CNOT6L: variants seen among roughly 807,000 people sequenced by gnomAD.
CNOT6L encodes CCR4-NOT transcription complex subunit 6 like.
A neutral mutation model predicts 64.0 loss-of-function variants in CNOT6L; 7 were observed. That is an observed-to-expected ratio of 0.11 (90% CI 0.06 to 0.21). CNOT6L has a LOEUF of 0.21. Among genes scored for constraint, CNOT6L ranks in the 10% least tolerant of loss-of-function variants. CNOT6L has a pLI of 1.00. For missense variants in CNOT6L, 245 were observed against 669.0 expected (o/e 0.37, Z 6.99); for synonymous variants, 193 against 243.4 (o/e 0.79, Z 1.93).
rs1170498969 is a variant in CNOT6L, at chr4:77,744,751, A to G, written c.684T>C (p.Ile228=). ...EYRKKGIMEE[I]VNCDADIISL... is the part of the protein sequence containing the mutation. ...TAATGATATCTGCGTCACAGTTAAC[A>G]ATTTCTTCCATAATTCCCTTTTTCC... The change falls in exon 7 of 12, where the codon ATT becomes ATC. Residue 228 remains isoleucine (I), a synonymous_variant. Coordinates refer to ENST00000504123, the MANE Select transcript of CNOT6L (RefSeq NM_144571.3). The G allele has an allele frequency of 6.2e-7, 1 of 1,613,330 alleles. No homozygotes were observed. The highest frequency in any genetic ancestry group is 1.3e-5 in the African/African-American group (1 of 75,038).
At chr4:77,815,361 A>G (rs1344648157) in intron 1 of CNOT6L, among the ~76,000 whole-genome samples, 2 of 152,204 alleles carry the variant, frequency 1.3e-5, no homozygotes, top group South Asian at 2.1e-4. Context: ...TGAAAAATTT[A>G]TATCTTTAAA....
At chr4:77,750,396 G>A in intron 5 of CNOT6L, among the ~76,000 whole-genome samples, 1 of 151,796 alleles carries the variant, frequency 6.6e-6, no homozygotes, top group East Asian at 1.9e-4. Flanking sequence ...CTGTCACCCA[G>A]GCTGGAGTGC....
intron 1 of CNOT6L, among the ~76,000 whole-genome samples, chr4:77,782,337 G>T (rs969616992): frequency 2.6e-5 from 4 of 151,700 alleles, no homozygotes; most frequent in Admixed American, 6.6e-5. Context: ...TATCTTTTTT[G>T]TTGTTGTTGT....
chr4:77,763,379 A>G (rs1029145048), intron 4 of CNOT6L, among the ~76,000 whole-genome samples: 1 of 152,126 alleles, frequency 6.6e-6, no homozygotes, highest in Non-Finnish European at 1.5e-5. Flanking sequence ...TTAGAAATAC[A>G]GACTATAAGA....
At chr4:77,753,948 ACTTC>A in intron 5 of CNOT6L, among the ~76,000 whole-genome samples, 1 of 151,578 alleles carries the variant, frequency 6.6e-6, no homozygotes, top group East Asian at 1.9e-4. Context: ...AATAGAAAAA[ACTTC>A]CTTCATCTGA....
At chr4:77,817,129 G>T (rs1358222551) in intron 1 of CNOT6L, among the ~76,000 whole-genome samples, 1 of 151,854 alleles carries the variant, frequency 6.6e-6, no homozygotes, top group African/African-American at 2.4e-5. Flanking sequence ...AAACATACAT[G>T]TGCTATATAG....
chr4:77,803,989 AAC>A (rs1332653821), intron 1 of CNOT6L, among the ~76,000 whole-genome samples: 2 of 152,180 alleles, frequency 1.3e-5, no homozygotes, highest in African/African-American at 4.8e-5. Flanking sequence ...AAAAAGTTAA[AAC>A]ACAGAAATAC....
At position 77,785,450 on chromosome 4, in the gene CNOT6L, C is replaced by A. The variant is rs147320400; in HGVS notation, c.6-9058G>T. On this transcript the variant is annotated intron_variant, in intron 1 of 11. Transcript: ENST00000504123. ...TAAATTTCAAGAAAAGTTAAGACTT[C>A]TGCTCTTTGAAATTTGAAGGAAAAG... is the stretch of plus-strand genomic sequence containing the variant. 2.3e-3 allele frequency among the ~76,000 whole-genome samples: 350 copies of A among 152,028 alleles called. 2 individuals carry two copies. Among genetic ancestry groups the A allele is most frequent in the East Asian group, 0.01 (52 of 5,174 alleles).
intron 1 of CNOT6L, among the ~76,000 whole-genome samples, chr4:77,810,835 T>C (rs1213509609): frequency 2.0e-5 from 3 of 152,174 alleles, no homozygotes; most frequent in African/African-American, 7.2e-5. Context: ...TCTTTTCTAC[T>C]TTTTACTTCT....
At chr4:77,769,918 T>C (rs1457837504) in intron 4 of CNOT6L, among the ~76,000 whole-genome samples, 3 of 152,176 alleles carry the variant, frequency 2.0e-5, no homozygotes, top group Non-Finnish European at 2.9e-5. Context: ...ATATGTCGGA[T>C]AAAGTATTGC....
At chr4:77,747,715 G>C (rs943128218) in intron 6 of CNOT6L, among the ~76,000 whole-genome samples, 14 of 152,072 alleles carry the variant, frequency 9.2e-5, no homozygotes, top group African/African-American at 3.4e-4. Flanking sequence ...ACAGATAAAG[G>C]CTTATGTTTT....
At chr4:77,738,951 T>C (rs1422667183) in intron 8 of CNOT6L, among the ~76,000 whole-genome samples, 1 of 152,154 alleles carries the variant, frequency 6.6e-6, no homozygotes, top group Non-Finnish European at 1.5e-5. Flanking sequence ...TCTATGCATC[T>C]AACTCCCAAA....
At position 77,713,523 on chromosome 4, in the gene CNOT6L, G is replaced by GA. The variant is rs1255237977; in HGVS notation, c.*6907dup. ...TGAGCAGTAACCAATCTCCAAAATG[G>GA]AAAAAAATATTTTGTTATCTGACAT... On this transcript the variant is annotated 3_prime_UTR_variant, in exon 12 of 12. Coordinates refer to ENST00000504123, the MANE Select transcript of CNOT6L (RefSeq NM_144571.3). The GA allele has an allele frequency of 2.6e-5, 4 of 152,306 alleles. No individual in the cohort carries two copies. Among genetic ancestry groups the GA allele is most frequent in the Admixed American group, 6.6e-5 (1 of 15,242 alleles). 9.4% of individuals were successfully genotyped at this position (152,306 alleles called of 1,614,324 possible). A position where few individuals can be genotyped will look rare whatever the true frequency, so the allele number is the denominator to read the frequency against.
At chr4:77,817,364 G>A (rs1346909468) in intron 1 of CNOT6L, among the ~76,000 whole-genome samples, 1 of 151,966 alleles carries the variant, frequency 6.6e-6, no homozygotes. Flanking sequence ...AGATTCCATT[G>A]TCTTTTTTAC....
At chr4:77,738,777 T>C (rs1442310555) in intron 8 of CNOT6L, among the ~76,000 whole-genome samples, 1 of 149,772 alleles carries the variant, frequency 6.7e-6, no homozygotes, top group Non-Finnish European at 1.5e-5. Flanking sequence ...AAAAATGTAT[T>C]TACAACTCAG....
intron 11 of CNOT6L, among the ~76,000 whole-genome samples, chr4:77,723,325 G>T (rs1721486704): frequency 6.6e-6 from 1 of 152,128 alleles, no homozygotes; most frequent in Non-Finnish European, 1.5e-5. Flanking sequence ...TTTCTAGCTT[G>T]TTCAAGGACG....
At chr4:77,774,247 T>C (rs1350785439) in intron 3 of CNOT6L, among the ~76,000 whole-genome samples, 1 of 152,228 alleles carries the variant, frequency 6.6e-6, no homozygotes, top group Non-Finnish European at 1.5e-5. Context: ...CAAGTACTTC[T>C]AATCAGTCTT....
intron 1 of CNOT6L, among the ~76,000 whole-genome samples, chr4:77,807,466 G>T (rs1250160215): frequency 1.3e-5 from 2 of 151,994 alleles, no homozygotes; most frequent in African/African-American, 4.8e-5. Flanking sequence ...TATGAATGAA[G>T]AATGCACAGA....
chr4:77,720,659 G>A lies in CNOT6L; in HGVS notation c.1456-16C>T. 1 of 1,609,688 alleles carries A rather than the reference G, an allele frequency of 6.2e-7. No homozygotes were observed. Among genetic ancestry groups the A allele is most frequent in the South Asian group, 1.1e-5 (1 of 90,472 alleles). Reference sequence around the variant, plus strand: ...CAATCACGCCCTGGAAAGAGATTGGGAATAGGAAAAAAAGAAAAATTCAAG... The same window carrying A: ...CAATCACGCCCTGGAAAGAGATTGGAAATAGGAAAAAAAGAAAAATTCAAG... On this transcript the variant is annotated splice_polypyrimidine_tract_variant and intron_variant, in intron 11 of 11. Transcript: ENST00000504123.
Sources: allele counts gnomAD v4.1 joint callset (sites outside exome capture counted in the v4.1 genomes callset), GRCh38; gene constraint gnomAD v4.1.1; transcripts MANE v1.5; gene names NCBI Gene and HGNC (gene_info 2026-07-23, HGNC 2026-07-21).